The following PXDNL variants were observed in gnomAD, a reference collection of about 807,000 sequenced individuals.
PXDNL encodes probable oxidoreductase PXDNL.
Under a neutral mutation model 150.8 loss-of-function variants are expected in PXDNL, and 145 were observed. That is an observed-to-expected ratio of 0.96 (90% CI 0.84 to 1.10). PXDNL has a LOEUF of 1.10. Ranked by LOEUF, PXDNL falls within the 50% of genes least tolerant of loss-of-function variation. The probability of loss-of-function intolerance (pLI) is 0.00; values close to 1 mark genes in which losing one functional copy is unlikely to be tolerated. For missense variants in PXDNL, 2,087 were observed against 1,873.9 expected, an observed-to-expected ratio of 1.11 and a Z score of -2.10; for synonymous variants, 757 against 725.7, an observed-to-expected ratio of 1.04 and a Z score of -0.69.
At chr8:51,731,018 C>T (rs774507737) in intron 1 of PXDNL, among the ~76,000 whole-genome samples, 2 of 152,142 alleles carry the variant, frequency 1.3e-5, no homozygotes, top group African/African-American at 2.4e-5. Flanking sequence ...CATCATTCTG[C>T]CCCTGGCCCC....
At chr8:51,530,531 C>T (rs1356858214) in intron 4 of PXDNL, among the ~76,000 whole-genome samples, 1 of 152,178 alleles carries the variant, frequency 6.6e-6, no homozygotes, top group African/African-American at 2.4e-5. Context: ...AAAGTAGAGC[C>T]AACGTTGCTG....
rs545389795 is a variant in PXDNL, at chr8:51,769,459, C to T, written c.164+39722G>A. 1.3e-3 allele frequency among the ~76,000 whole-genome samples: 201 copies of T among 152,296 alleles called. 1 individual carries two copies. Among genetic ancestry groups the T allele is most frequent in the African/African-American group, 4.7e-3 (197 of 41,568 alleles). On this transcript the variant is annotated intron_variant, in intron 1 of 22. Coordinates refer to ENST00000356297, the MANE Select transcript of PXDNL (RefSeq NM_144651.5). ...TGGGATTAACCTTTAGCTTGTTTTC[C>T]ACTTCTGGATTTGTGGCTGAGTAGA...
At chr8:51,456,018 C>G (rs1245244033) in intron 9 of PXDNL, among the ~76,000 whole-genome samples, 1 of 152,202 alleles carries the variant, frequency 6.6e-6, no homozygotes, top group African/African-American at 2.4e-5. Flanking sequence ...CCTCCATTCA[C>G]TTTGCCACTA....
chr8:51,442,648 T>C (rs1809577679), intron 12 of PXDNL, among the ~76,000 whole-genome samples: 1 of 151,978 alleles, frequency 6.6e-6, no homozygotes. Context: ...TCTATTAATA[T>C]AAAATATGTT....
intron 5 of PXDNL, among the ~76,000 whole-genome samples, chr8:51,499,276 T>G (rs1811127938): frequency 6.6e-6 from 1 of 151,834 alleles, no homozygotes. Flanking sequence ...ATTACAGGAG[T>G]GTGCCACCAG....
chr8:51,741,430 CTTCT>C (rs912013346), intron 1 of PXDNL, among the ~76,000 whole-genome samples: 2 of 8,352 alleles, frequency 2.4e-4, no homozygotes, highest in Non-Finnish European at 2.7e-3. Context: ...ATGTAATGTC[CTTCT>C]TTGTCTTTTT....
intron 5 of PXDNL, among the ~76,000 whole-genome samples, chr8:51,495,398 A>G (rs1399755574): frequency 6.6e-6 from 1 of 152,168 alleles, no homozygotes; most frequent in Non-Finnish European, 1.5e-5. Flanking sequence ...AACACATTCA[A>G]AAGCTAGCAG....
At position 51,545,927 on chromosome 8, in the gene PXDNL, T is replaced by C. The variant is rs376932747; in HGVS notation, c.380+10913A>G. Reference sequence around the variant, plus strand: ...CTATAGCCTCAAAATCTTAACTCATTCCAGCATCAACTGAAAAGTCTAAAG... The same window carrying C: ...CTATAGCCTCAAAATCTTAACTCATCCCAGCATCAACTGAAAAGTCTAAAG... On this transcript the variant is annotated intron_variant, in intron 4 of 22. Coordinates refer to ENST00000356297, the MANE Select transcript of PXDNL (RefSeq NM_144651.5). Among the ~76,000 whole-genome samples the C allele has an allele frequency of 1.4e-4, 22 of 152,214 alleles. No homozygotes were observed. In the East Asian group the frequency reaches 3.7e-3, roughly 25 times the overall value.
chr8:51,386,135 C>G, intron 17 of PXDNL, among the ~76,000 whole-genome samples: 1 of 151,988 alleles, frequency 6.6e-6, no homozygotes, highest in Non-Finnish European at 1.5e-5. Flanking sequence ...CTCTGTCACC[C>G]AGGCTAGAGT....
chr8:51,359,019 C>A (rs924362533), intron 19 of PXDNL, among the ~76,000 whole-genome samples: 1 of 152,176 alleles, frequency 6.6e-6, no homozygotes, highest in Non-Finnish European at 1.5e-5. Context: ...CTCAGAAAGC[C>A]AAGAATGAAC....
At chr8:51,376,140 T>A (rs1053386264) in intron 17 of PXDNL, among the ~76,000 whole-genome samples, 1 of 152,170 alleles carries the variant, frequency 6.6e-6, no homozygotes, top group Non-Finnish European at 1.5e-5. Context: ...ATGATAGATA[T>A]CCATATGTAT....
chr8:51,746,400 TC>T (rs2036984906), intron 1 of PXDNL, among the ~76,000 whole-genome samples: 1 of 151,976 alleles, frequency 6.6e-6, no homozygotes, highest in Non-Finnish European at 1.5e-5. Context: ...CAGTTGATTT[TC>T]TCCCCTGTCC....
chr8:51,622,553 A>G (rs1814279387), intron 2 of PXDNL, among the ~76,000 whole-genome samples: 2 of 152,350 alleles, frequency 1.3e-5, no homozygotes, highest in South Asian at 4.1e-4. Context: ...ACACATTTTT[A>G]TTATGATGTA....
At position 51,745,766 on chromosome 8, in the gene PXDNL, T is replaced by TC. The variant is rs923779456; in HGVS notation, c.164+63414_164+63415insG. ...AATTCTCCACCACTACCATTTTTTTTTTTTTTTTTAGATGTAGTCTCACTC... is the reference window on the plus strand; with the variant it reads ...AATTCTCCACCACTACCATTTTTTTTCTTTTTTTTTAGATGTAGTCTCACTC... On this transcript the variant is annotated intron_variant, in intron 1 of 22. Coordinates refer to ENST00000356297, the MANE Select transcript of PXDNL (RefSeq NM_144651.5). Among the ~76,000 whole-genome samples the TC allele has an allele frequency of 3.7e-4, 56 of 151,634 alleles. 1 individual carries two copies. The highest frequency in any genetic ancestry group is 1.3e-3 in the African/African-American group (54 of 41,366).
At chr8:51,746,732 A>C (rs915844852) in intron 1 of PXDNL, among the ~76,000 whole-genome samples, 3 of 152,018 alleles carry the variant, frequency 2.0e-5, no homozygotes, top group African/African-American at 4.8e-5. Flanking sequence ...GTTGTTTGTT[A>C]GTTTTTTGAG....
At chr8:51,435,367 G>GC (rs1160335809) in intron 12 of PXDNL, among the ~76,000 whole-genome samples, 3 of 19,234 alleles carry the variant, frequency 1.6e-4, no homozygotes, top group African/African-American at 3.0e-4. Context: ...TTGTTTGCTT[G>GC]TTTTTGTTTG....
chr8:51,627,560 CAT>C (rs1339630328), intron 2 of PXDNL, among the ~76,000 whole-genome samples: 6 of 152,098 alleles, frequency 3.9e-5, no homozygotes, highest in African/African-American at 1.4e-4. Flanking sequence ...GGTCAGCAAA[CAT>C]AAAATAGTAG....
intron 4 of PXDNL, among the ~76,000 whole-genome samples, chr8:51,547,796 C>T (rs906449044): frequency 1.4e-4 from 21 of 152,076 alleles, no homozygotes; most frequent in African/African-American, 4.8e-4. Flanking sequence ...CTACAACATC[C>T]CCAAAAGCTC....
At chr8:51,479,983 A>C (rs1328633838) in intron 6 of PXDNL, among the ~76,000 whole-genome samples, 1 of 152,182 alleles carries the variant, frequency 6.6e-6, no homozygotes, top group Admixed American at 6.5e-5. Flanking sequence ...CTGACATGAG[A>C]ATTACCAAGA....
Sources: gnomAD v4.1 joint callset for allele counts (sites outside exome capture counted in the v4.1 genomes callset) on GRCh38, gnomAD v4.1.1 for gene constraint, MANE v1.5 for transcripts, NCBI Gene and HGNC (gene_info 2026-07-23, HGNC 2026-07-21) for gene names.